Variants in DNAH14 observed in about 807,000 individuals in gnomAD.
DNAH14 encodes the protein axonemal beta dynein heavy chain 14.
DNAH14 carries 478 observed loss-of-function variants against 520.9 expected under a neutral mutation model. The observed-to-expected ratio is 0.92, with a 90% CI of 0.85 to 0.99. The LOEUF (loss-of-function observed/expected upper bound fraction) is 0.99. DNAH14 is among the 50% of genes least tolerant of loss of function. DNAH14 has a pLI of 0.00. For synonymous variants in DNAH14, 1,581 were observed against 1,757.2 expected, an observed-to-expected ratio of 0.90 and a Z score of 2.51; for missense variants, 4,831 against 5,234.5, an observed-to-expected ratio of 0.92 and a Z score of 2.38.
At chr1:224,982,775 G>T (rs1462704877) in intron 8 of DNAH14, among the ~76,000 whole-genome samples, 1 of 152,138 alleles carries the variant, frequency 6.6e-6, no homozygotes, top group Non-Finnish European at 1.5e-5. Flanking sequence ...GCATGATTTT[G>T]GAGTTGATTT....
At chr1:224,974,413 A>G (rs1412963591) in intron 8 of DNAH14, among the ~76,000 whole-genome samples, 4 of 152,214 alleles carry the variant, frequency 2.6e-5, no homozygotes, top group African/African-American at 7.2e-5. Context: ...TGCTTCCAGG[A>G]AGAAGAATAA....
At chr1:224,977,591 G>T (rs542348491) in intron 8 of DNAH14, among the ~76,000 whole-genome samples, 1 of 152,174 alleles carries the variant, frequency 6.6e-6, no homozygotes, top group Non-Finnish European at 1.5e-5. Context: ...GTTCACAGAT[G>T]TATACTTATC....
At chr1:225,087,939 T>A (rs2073987002) in intron 21 of DNAH14, among the ~76,000 whole-genome samples, 2 of 152,138 alleles carry the variant, frequency 1.3e-5, no homozygotes, top group Admixed American at 1.3e-4. Context: ...ACAGAAAACC[T>A]CCTAATTCAT....
intron 8 of DNAH14, among the ~76,000 whole-genome samples, chr1:224,987,255 A>C (rs2062709749): frequency 6.6e-6 from 1 of 152,086 alleles, no homozygotes; most frequent in African/African-American, 2.4e-5. Context: ...AAACCAAGAG[A>C]GAGAGTGATT....
At chr1:225,388,066 C>T (rs868176953) in intron 81 of DNAH14, among the ~76,000 whole-genome samples, 1 of 151,922 alleles carries the variant, frequency 6.6e-6, no homozygotes, top group Non-Finnish European at 1.5e-5. Flanking sequence ...CACCTAATAG[C>T]ATGTGAAGGT....
intron 55 of DNAH14, among the ~76,000 whole-genome samples, chr1:225,298,370 C>T (rs2150050921): frequency 6.6e-6 from 1 of 152,292 alleles, no homozygotes; most frequent in South Asian, 2.1e-4. Context: ...TTCAATGGCT[C>T]TGGGACCCCT....
chr1:225,075,969 C>T (rs1471659367), intron 17 of DNAH14, among the ~76,000 whole-genome samples: 3 of 29,302 alleles, frequency 1.0e-4, no homozygotes, highest in South Asian at 1.4e-3. Flanking sequence ...CTTGCTGCTA[C>T]AGCACTTAGG....
At chr1:225,195,904 G>A (rs904549912) in intron 38 of DNAH14, among the ~76,000 whole-genome samples, 1 of 151,912 alleles carries the variant, frequency 6.6e-6, no homozygotes, top group South Asian at 2.1e-4. Context: ...TGGTGGGAGT[G>A]TTATTGCCAC....
chr1:225,374,622 A>G, intron 77 of DNAH14, 66 bp from the exon 78 acceptor site: 1 of 1,339,192 alleles, frequency 7.5e-7, no homozygotes, highest in Non-Finnish European at 1.0e-6. Flanking sequence ...ATTTTATGTT[A>G]AAAAGTCAGA....
At chr1:225,351,912 A>T (rs2095370282) in intron 72 of DNAH14, 29 bp downstream of exon 72, 1 of 1,516,674 alleles carries the variant, frequency 6.6e-7, no homozygotes, top group African/African-American at 1.4e-5. Flanking sequence ...TTTTAACCTA[A>T]CTTAAGTATG....
intron 71 of DNAH14, among the ~76,000 whole-genome samples, chr1:225,348,447 CA>C (rs1382418678): frequency 6.6e-6 from 1 of 152,034 alleles, no homozygotes; most frequent in East Asian, 1.9e-4. Context: ...TGTCTAAAGT[CA>C]AAGACAATGA....
chr1:225,094,429 G>A (rs1023264229), intron 21 of DNAH14, among the ~76,000 whole-genome samples: 7 of 152,002 alleles, frequency 4.6e-5, no homozygotes, highest in African/African-American at 1.7e-4. Context: ...GCCATATGCA[G>A]AAGATTGAAA....
intron 17 of DNAH14, among the ~76,000 whole-genome samples, chr1:225,068,817 A>T (rs1292045153): frequency 3.3e-5 from 5 of 152,282 alleles, no homozygotes; most frequent in Non-Finnish European, 5.9e-5. Flanking sequence ...GACTTTGCTG[A>T]AATTATCAGC....
chr1:225,203,659 G>A (rs2087155841), intron 38 of DNAH14, among the ~76,000 whole-genome samples: 1 of 152,164 alleles, frequency 6.6e-6, no homozygotes, highest in Non-Finnish European at 1.5e-5. Flanking sequence ...AAAATGACAT[G>A]TATTAGAATA....
intron 27 of DNAH14, among the ~76,000 whole-genome samples, chr1:225,131,150 A>T (rs2078376717): frequency 6.6e-6 from 1 of 152,224 alleles, no homozygotes; most frequent in East Asian, 1.9e-4. Flanking sequence ...ATTTTGAATG[A>T]AAGTAGAACT....
At chr1:224,961,819 A>G (rs2060863435) in intron 4 of DNAH14, among the ~76,000 whole-genome samples, 1 of 152,124 alleles carries the variant, frequency 6.6e-6, no homozygotes, top group South Asian at 2.1e-4. Context: ...AATTCTTAAT[A>G]TTTTGTTGCA....
intron 41 of DNAH14, among the ~76,000 whole-genome samples, chr1:225,222,593 G>C (rs560594150): frequency 2.6e-5 from 4 of 152,230 alleles, no homozygotes; most frequent in African/African-American, 9.6e-5. Flanking sequence ...CCATTTTACA[G>C]AGTGCTGATT....
In DNAH14 at chr1:225,155,689, C is replaced by T. The variant is rs2080960185; in HGVS notation, c.5273+1863C>T. 2.6e-5 allele frequency among the ~76,000 whole-genome samples: 4 copies of T among 152,252 alleles called. No homozygotes were observed. The South Asian group carries it at 8.3e-4, about 32-fold the overall frequency. On this transcript the variant is annotated intron_variant, in intron 34 of 85. Coordinates refer to ENST00000682510, the MANE Select transcript of DNAH14 (RefSeq NM_001367479.1). ...ACAGGAAATCTAAAGTTTGCATGGG[C>T]ACCCTTCAATTAGAGTTTCCATTTC...
intron 8 of DNAH14, among the ~76,000 whole-genome samples, chr1:224,987,714 C>T (rs1221887843): frequency 1.3e-5 from 2 of 152,118 alleles, no homozygotes; most frequent in Admixed American, 1.3e-4. Context: ...GCAACCTCTG[C>T]CTCCCGGGTT....
Sources: allele counts gnomAD v4.1 joint callset (sites outside exome capture counted in the v4.1 genomes callset), GRCh38; gene constraint gnomAD v4.1.1; transcripts MANE v1.5; gene names NCBI Gene and HGNC (gene_info 2026-07-23, HGNC 2026-07-21).